The following CRYBB3 variants were observed in gnomAD, a reference collection of about 807,000 sequenced individuals.
CRYBB3 encodes beta-crystallin B3.
In CRYBB3, 35 loss-of-function variants were observed where a neutral mutation model predicts 28.3. The ratio of observed to expected loss-of-function variants is 1.24; its 90% CI spans 0.95 to 1.64. CRYBB3 has a LOEUF of 1.64. Ranked by LOEUF, CRYBB3 falls within the 40% of genes most tolerant of loss-of-function variation. The pLI, the probability that CRYBB3 is intolerant of heterozygous loss-of-function variation, is 0.00. For synonymous variants in CRYBB3, 106 were observed against 110.4 expected (o/e 0.96, Z 0.25); for missense variants, 296 against 297.4 (o/e 1.00, Z 0.04).
At position 25,207,046 on chromosome 22, in the gene CRYBB3, G is replaced by C; in HGVS notation, c.471-1G>C. ...ACATCTCAACCTTGGTCTCCCGGCA[G>C]GTGGGTTGGCTATGAGTTCCCCGGC... On this transcript the variant is annotated splice_acceptor_variant, in intron 5 of 5. Coordinates refer to ENST00000215855, the MANE Select transcript of CRYBB3 (RefSeq NM_004076.5). LOFTEE classifies it high-confidence loss of function. 1 of 1,612,690 alleles carries C rather than the reference G, an allele frequency of 6.2e-7. No individual in the cohort carries two copies. Among genetic ancestry groups the C allele is most frequent in the Non-Finnish European group, 8.5e-7 (1 of 1,178,842 alleles).
intron 1 of CRYBB3, 104 bp from the exon 2 acceptor site, chr22:25,201,273 G>T: frequency 1.3e-6 from 2 of 1,573,018 alleles, no homozygotes; most frequent in Non-Finnish European, 1.7e-6. Context: ...TTACAGCCAC[G>T]CCCCATGGGC....
chr22:25,201,410 A>G lies in CRYBB3; in HGVS notation c.14A>G (p.His5Arg), dbSNP rs779636937. Residue 5 changes from histidine (H) to arginine (R), a missense_variant, in exon 2 of 6, where the codon CAC (histidine) becomes CGC (arginine). Physicochemically the swap from His to Arg is conservative, Grantham distance 29. Coordinates refer to ENST00000215855, the MANE Select transcript of CRYBB3 (RefSeq NM_004076.5). The part of the protein sequence containing the change: MAEQ[H>R]GAPEQAAAGK... ...GTTCCTGGGGAGATGGCGGAACAGC[A>G]CGGAGCACCCGAACAGGCTGCAGCT... 6.2e-7 allele frequency: 1 copy of G among 1,613,320 alleles called. No homozygotes were observed. The highest frequency in any genetic ancestry group is 8.5e-7 in the Non-Finnish European group (1 of 1,179,534).
intron 2 of CRYBB3, among the ~76,000 whole-genome samples, chr22:25,201,728 C>G (rs1014733207): frequency 8.2e-6 from 1 of 122,042 alleles, no homozygotes; most frequent in African/African-American, 3.7e-5. Flanking sequence ...CAGAGAGGCC[C>G]GGGGGTTTCT....
At chr22:25,205,079 C>T in intron 4 of CRYBB3, 141 bp from the exon 5 acceptor site, 1 of 1,109,138 alleles carries the variant, frequency 9.0e-7, no homozygotes, top group Non-Finnish European at 1.3e-6. Context: ...GAGGCATCTC[C>T]TGAGGCCCTT....
chr22:25,207,157 T>C lies in CRYBB3; in HGVS notation c.581T>C (p.Val194Ala). ...GCCAGCCAGCCGCAGCTGCAGTCTG[T>C]GCGCCGCATCCGTGACCAGAAGTGG... is the stretch of plus-strand genomic sequence containing the variant. ...WDASQPQLQS[V>A]RRIRDQKWHK... is the part of the protein sequence containing the mutation. The change falls in exon 6 of 6, where the codon GTG becomes GCG. Residue 194 changes from valine to alanine, a missense_variant. Physicochemically the swap from Val to Ala is moderately conservative, Grantham distance 64. Coordinates refer to ENST00000215855, the MANE Select transcript of CRYBB3 (RefSeq NM_004076.5). 1 of 1,613,664 alleles carries C rather than the reference T, an allele frequency of 6.2e-7. No homozygotes were observed. The highest frequency in any genetic ancestry group is 8.5e-7 in the Non-Finnish European group (1 of 1,180,024).
Position 25,207,128 on chromosome 22 carries a change from G to A in CRYBB3, c.552G>A (p.Trp184Ter), listed in dbSNP as rs200038978. 2 of 1,613,662 alleles carry A rather than the reference G, an allele frequency of 1.2e-6. No individual in the cohort carries two copies. Among genetic ancestry groups the A allele is most frequent in the Non-Finnish European group, 1.7e-6 (2 of 1,179,952 alleles). The change falls in exon 6 of 6, where the codon TGG becomes TGA. Residue 184 changes from tryptophan to a stop codon, truncating the protein, a stop_gained. Transcript: ENST00000215855. LOFTEE classifies it high-confidence loss of function. ...ERGEYRHWNE[W>*]DASQPQLQSV... ...GCGAGTACCGCCACTGGAATGAGTG[G>A]GACGCCAGCCAGCCGCAGCTGCAGT...
In CRYBB3 at chr22:25,202,483, G is replaced by A. The variant is rs1005498357; in HGVS notation, c.76-191G>A. ...AGAGTTGCAATCACTAGTTTAATTG[G>A]TCTCATTGAAGTTCCTGAAGGCGTT... On this transcript the variant is annotated intron_variant, in intron 2 of 5. Coordinates refer to ENST00000215855, the MANE Select transcript of CRYBB3 (RefSeq NM_004076.5). 6.6e-5 allele frequency among the ~76,000 whole-genome samples: 10 copies of A among 152,140 alleles called. 1 individual carries two copies. Among genetic ancestry groups the A allele is most frequent in the Non-Finnish European group, 1.2e-4 (8 of 68,038 alleles).
At chr22:25,206,433 C>T (rs140700915) in intron 5 of CRYBB3, among the ~76,000 whole-genome samples, 2,024 of 152,264 alleles carry the variant, frequency 0.013, 41 homozygotes, top group African/African-American at 0.046. Context: ...ATCCCAGCTA[C>T]TCAAGAGGCT....
chr22:25,203,936 C>T (rs1934990276), intron 4 of CRYBB3, 41 bp downstream of exon 4: 15 of 1,613,438 alleles, frequency 9.3e-6, no homozygotes, highest in Non-Finnish European at 1.3e-5. Flanking sequence ...TTCCTGGAAG[C>T]AGGGTGCACT....
intron 2 of CRYBB3, among the ~76,000 whole-genome samples, chr22:25,202,295 AG>A (rs969722743): frequency 6.6e-5 from 10 of 152,034 alleles, no homozygotes; most frequent in East Asian, 3.9e-4. Flanking sequence ...CATTTTTTTA[AG>A]GGGGAAATTT....
At chr22:25,205,438 A>G (rs1255963183) in intron 5 of CRYBB3, 76 bp downstream of exon 5, 32 of 1,458,312 alleles carry the variant, frequency 2.2e-5, no homozygotes, top group Admixed American at 2.5e-5. Context: ...ATCAGTGCCC[A>G]TAGTTTCTTA....
At chr22:25,206,910 A>G in intron 5 of CRYBB3, 137 bp from the exon 6 acceptor site, 2 of 763,686 alleles carry the variant, frequency 2.6e-6, no homozygotes, top group Middle Eastern at 2.3e-4. Context: ...TGAGCAGGGT[A>G]AAGAGTTTGG....
chr22:25,205,268 G>A lies in CRYBB3; in HGVS notation c.376G>A (p.Gly126Ser). Residue 126 changes from glycine to serine, a missense_variant, in exon 5 of 6, where the codon GGC (glycine) becomes AGC (serine). Transcript: ENST00000215855. ...TCTGTTTGAGAACCCAGCTTTCAGT[G>A]GCCGCAAGATGGAGATAGTGGATGA... ...LHLFENPAFS[G>S]RKMEIVDDDV... 6.2e-7 allele frequency: 1 copy of A among 1,614,068 alleles called. No individual in the cohort carries two copies. Among genetic ancestry groups the A allele is most frequent in the Non-Finnish European group, 8.5e-7 (1 of 1,180,020 alleles).
intron 3 of CRYBB3, among the ~76,000 whole-genome samples, 167 bp from the exon 4 acceptor site, chr22:25,203,596 C>T (rs190187308): frequency 2.6e-5 from 4 of 152,226 alleles, no homozygotes; most frequent in East Asian, 1.9e-4. Flanking sequence ...AGACAGTTCC[C>T]GGTATGTCCT....
chr22:25,200,891 A>G (rs1335005443), intron 1 of CRYBB3, among the ~76,000 whole-genome samples: 6 of 152,182 alleles, frequency 3.9e-5, no homozygotes, highest in African/African-American at 1.2e-4. Flanking sequence ...GTAGGTGCTC[A>G]TGGAATATTT....
chr22:25,202,872 C>T (rs1387601658), intron 3 of CRYBB3, 80 bp downstream of exon 3: 2 of 1,585,734 alleles, frequency 1.3e-6, no homozygotes, highest in African/African-American at 2.7e-5. Flanking sequence ...AGCTCTAGAT[C>T]TGTTGTGGGG....
At position 25,200,746 on chromosome 22, in the gene CRYBB3, G is replaced by A. The variant is rs370513226; in HGVS notation, c.-20-631G>A. Among the ~76,000 whole-genome samples the A allele has an allele frequency of 1.1e-4, 16 of 152,246 alleles. No individual in the cohort carries two copies. In the South Asian group the frequency reaches 1.2e-3, roughly 12 times the overall value. Reference sequence around the variant, plus strand: ...ATGCTTAAGGAATGAGTAACCGAACGCAGGGAAACTGACCTGGAGCAGGTG... The same window carrying A: ...ATGCTTAAGGAATGAGTAACCGAACACAGGGAAACTGACCTGGAGCAGGTG... On this transcript the variant is annotated intron_variant, in intron 1 of 5. Coordinates refer to ENST00000215855, the MANE Select transcript of CRYBB3 (RefSeq NM_004076.5).
At chr22:25,206,741 G>C (rs2252878) in intron 5 of CRYBB3, among the ~76,000 whole-genome samples, 1 of 151,630 alleles carries the variant, frequency 6.6e-6, no homozygotes, top group African/African-American at 2.4e-5. Flanking sequence ...GGGAAGGAGA[G>C]GGATGAGGTG....
At chr22:25,204,772 G>A (rs190878150) in intron 4 of CRYBB3, among the ~76,000 whole-genome samples, 40 of 152,154 alleles carry the variant, frequency 2.6e-4, no homozygotes, top group Admixed American at 2.2e-3. Flanking sequence ...CTCACACCCC[G>A]CAGCTGCTCC....
Sources: gnomAD v4.1 joint callset for allele counts (sites outside exome capture counted in the v4.1 genomes callset) on GRCh38, gnomAD v4.1.1 for gene constraint, MANE v1.5 for transcripts, NCBI Gene and HGNC (gene_info 2026-07-23, HGNC 2026-07-21) for gene names.